SDK1: variants seen among roughly 807,000 people sequenced by gnomAD.
The protein encoded by SDK1 is protein sidekick-1.
A neutral mutation model predicts 245.5 loss-of-function variants in SDK1; 157 were observed. That is an observed-to-expected ratio of 0.64 (90% CI 0.56 to 0.73). The LOEUF (loss-of-function observed/expected upper bound fraction) is 0.73. SDK1 is among the 30% of genes least tolerant of loss of function. The probability of loss-of-function intolerance (pLI) is 0.00; values close to 1 mark genes in which losing one functional copy is unlikely to be tolerated. For missense variants in SDK1, 3,583 were observed against 3,002.3 expected, an observed-to-expected ratio of 1.19 and a Z score of -4.52; for synonymous variants, 1,647 against 1,278.5, an observed-to-expected ratio of 1.29 and a Z score of -6.15.
rs61738675 is a variant in SDK1 at position 4,205,957 on chromosome 7, C to T, written c.5177C>T (p.Pro1726Leu). 4.9e-4 allele frequency: 771 copies of T among 1,560,606 alleles called. 1 individual carries two copies. The highest frequency in any genetic ancestry group is 6.3e-4 in the Non-Finnish European group (724 of 1,152,006). The change falls in exon 36 of 45, where the codon CCC becomes CTC. Residue 1726 changes from proline (P) to leucine (L), a missense_variant. Physicochemically the swap from Pro to Leu is moderately conservative, Grantham distance 98 (BLOSUM62 -3). Transcript: ENST00000404826. ...SQLEVTWDPP[P>L]PESQNGNIQG... ...CTGGAGGTCACGTGGGACCCACCACCCCCGGAGAGCCAGAATGGGAACATC... is the reference window on the plus strand; with the variant it reads ...CTGGAGGTCACGTGGGACCCACCACTCCCGGAGAGCCAGAATGGGAACATC...
At chr7:4,232,407 C>CTTTTTTTTTTTTTTTTTTTTTTTT (rs201396862) in intron 40 of SDK1, among the ~76,000 whole-genome samples, 18 of 73,184 alleles carry the variant, frequency 2.5e-4, no homozygotes, top group Admixed American at 4.4e-4. Context: ...CTTTTCTTTT[C>CTTTTTTTTTTTTTTTTTTTTTTTT]TTTCTTTTTT....
intron 1 of SDK1, among the ~76,000 whole-genome samples, chr7:3,522,255 C>T (rs1782964419): frequency 6.6e-6 from 1 of 152,084 alleles, no homozygotes; most frequent in South Asian, 2.1e-4. Flanking sequence ...TTCAGAACTC[C>T]TTCAGGACAG....
chr7:3,961,409 A>G (rs1229169469), intron 8 of SDK1, among the ~76,000 whole-genome samples: 4 of 152,238 alleles, frequency 2.6e-5, no homozygotes, highest in Non-Finnish European at 5.9e-5. Context: ...TAAAGTCGAC[A>G]TCTCACACCT....
Position 3,954,950 on chromosome 7 carries a change from C to G in SDK1, c.1150+3030C>G, listed in dbSNP as rs147838640. ...CTGGAATCAGGATGTGCCTCACCAC[C>G]TATGAAACCATTTTTTTTTTCCTTG... On this transcript the variant is annotated intron_variant, in intron 7 of 44. Coordinates refer to ENST00000404826, the MANE Select transcript of SDK1 (RefSeq NM_152744.4). Among the ~76,000 whole-genome samples the G allele has an allele frequency of 5.7e-4, 87 of 151,776 alleles. 4 individuals are homozygous for G. Among genetic ancestry groups the G allele is most frequent in the Non-Finnish European group, 9.3e-4 (63 of 68,018 alleles).
At chr7:3,482,862 T>C (rs1426719183) in intron 1 of SDK1, among the ~76,000 whole-genome samples, 2 of 152,196 alleles carry the variant, frequency 1.3e-5, no homozygotes, top group African/African-American at 2.4e-5. Context: ...TACGAAATAA[T>C]CTGTGTAATA....
At chr7:3,348,011 G>C (rs1276637067) in intron 1 of SDK1, among the ~76,000 whole-genome samples, 1 of 151,982 alleles carries the variant, frequency 6.6e-6, no homozygotes, top group African/African-American at 2.4e-5. Context: ...GAGAGAAGGA[G>C]TATTATAACA....
chr7:3,614,913 G>C (rs975397437), intron 1 of SDK1, among the ~76,000 whole-genome samples: 1 of 150,520 alleles, frequency 6.6e-6, no homozygotes, highest in Admixed American at 6.6e-5. Flanking sequence ...TCTTTAAAAT[G>C]AGCTTTTTTT....
chr7:4,064,234 A>C (rs1007488621), intron 19 of SDK1, among the ~76,000 whole-genome samples: 7 of 152,184 alleles, frequency 4.6e-5, no homozygotes, highest in Non-Finnish European at 1.0e-4. Context: ...AACAGTTTAA[A>C]AAATCTCATT....
intron 5 of SDK1, among the ~76,000 whole-genome samples, chr7:3,889,893 T>C (rs1034149844): frequency 1.3e-5 from 2 of 152,210 alleles, no homozygotes; most frequent in African/African-American, 2.4e-5. Context: ...AGTCAACCTC[T>C]TCCAGCTTTT....
intron 4 of SDK1, among the ~76,000 whole-genome samples, chr7:3,792,879 T>A (rs191586602): frequency 6.6e-6 from 1 of 152,324 alleles, no homozygotes; most frequent in Non-Finnish European, 1.5e-5. Context: ...CCCATCACCT[T>A]CCTCTAGCAC....
intron 4 of SDK1, among the ~76,000 whole-genome samples, chr7:3,757,105 A>G (rs1220706443): frequency 6.6e-6 from 1 of 151,876 alleles, no homozygotes; most frequent in Non-Finnish European, 1.5e-5. Context: ...TACAAAACCA[A>G]CTCCCAGCGT....
At chr7:4,185,092 A>T (rs1782806324) in intron 35 of SDK1, among the ~76,000 whole-genome samples, 1 of 152,194 alleles carries the variant, frequency 6.6e-6, no homozygotes, top group African/African-American at 2.4e-5. Context: ...CTCTACCTGG[A>T]CCACCTGGGC....
At position 4,052,402 on chromosome 7, in the gene SDK1, T is replaced by G. The variant is rs374801675; in HGVS notation, c.2911+572T>G. 4.0e-5 allele frequency among the ~76,000 whole-genome samples: 6 copies of G among 151,774 alleles called. 1 individual carries two copies. In the East Asian group the frequency reaches 5.8e-4, roughly 15 times the overall value. ...AAGATTTATATATATACAAGGCGGC[T>G]CGTTACAGTTATTTGTAGCTGGAAA... is the stretch of plus-strand genomic sequence containing the variant. On this transcript the variant is annotated intron_variant, in intron 19 of 44. Transcript: ENST00000404826.
intron 38 of SDK1, among the ~76,000 whole-genome samples, chr7:4,213,839 C>G (rs550387400): frequency 1.3e-5 from 2 of 152,304 alleles, no homozygotes; most frequent in South Asian, 2.1e-4. Flanking sequence ...TTTTGCATCA[C>G]TGGGAAACTC....
intron 3 of SDK1, 129 bp from the exon 4 acceptor site, chr7:3,641,829 C>T (rs940886415): frequency 7.7e-5 from 59 of 762,492 alleles, no homozygotes; most frequent in Middle Eastern, 3.0e-4. Context: ...CGTGCAGTCT[C>T]GCTCGTCCTG....
intron 34 of SDK1, among the ~76,000 whole-genome samples, chr7:4,178,128 C>T (rs540085176): frequency 3.6e-4 from 55 of 152,306 alleles, no homozygotes; most frequent in Non-Finnish European, 5.0e-4. Flanking sequence ...CTCACTCACC[C>T]GCTACTCACC....
chr7:3,997,572 GC>G (rs1784775535), intron 14 of SDK1, among the ~76,000 whole-genome samples: 1 of 152,222 alleles, frequency 6.6e-6, no homozygotes, highest in South Asian at 2.1e-4. Context: ...TTCAATGTCT[GC>G]AGCTCTCAGC....
At chr7:3,560,197 A>G (rs1779704322) in intron 1 of SDK1, among the ~76,000 whole-genome samples, 1 of 152,240 alleles carries the variant, frequency 6.6e-6, no homozygotes, top group African/African-American at 2.4e-5. Context: ...TACACTGTTT[A>G]TCTTGAATAC....
intron 1 of SDK1, among the ~76,000 whole-genome samples, chr7:3,532,137 A>G (rs1470678689): frequency 1.3e-5 from 2 of 152,192 alleles, no homozygotes; most frequent in Non-Finnish European, 2.9e-5. Flanking sequence ...AGGATACTCA[A>G]TAAAATTTGA....
Sources: allele counts gnomAD v4.1 joint callset (sites outside exome capture counted in the v4.1 genomes callset), GRCh38; gene constraint gnomAD v4.1.1; transcripts MANE v1.5; gene names NCBI Gene and HGNC (gene_info 2026-07-23, HGNC 2026-07-21).